The following PPARD variants were observed in gnomAD, a reference collection of about 807,000 sequenced individuals.
PPARD encodes peroxisome proliferator-activated receptor delta.
In PPARD, 6 loss-of-function variants were observed where a neutral mutation model predicts 39.5. That is an observed-to-expected ratio of 0.15 (90% confidence interval 0.08 to 0.30). PPARD has a LOEUF of 0.30. Ranked by LOEUF, PPARD falls within the 10% of genes least tolerant of loss-of-function variation. PPARD has a pLI of 1.00. For missense variants in PPARD, 397 were observed against 596.8 expected (o/e 0.67, Z 3.49); for synonymous variants, 210 against 231.3 (o/e 0.91, Z 0.83).
intron 2 of PPARD, among the ~76,000 whole-genome samples, chr6:35,388,388 AG>A (rs1161382370): frequency 6.6e-6 from 1 of 152,100 alleles, no homozygotes; most frequent in Non-Finnish European, 1.5e-5. Flanking sequence ...GCTTCCGGGA[AG>A]GGGATGGAAC....
chr6:35,416,956 T>C (rs1765811806), intron 3 of PPARD, among the ~76,000 whole-genome samples: 1 of 152,090 alleles, frequency 6.6e-6, no homozygotes, highest in South Asian at 2.1e-4. Context: ...TTACCTTTCC[T>C]TGTTTTTCTT....
Position 35,396,606 on chromosome 6 carries a change from A to G in PPARD, c.-101-14381A>G, listed in dbSNP as rs553485952. On this transcript the variant is annotated intron_variant, in intron 2 of 7. Coordinates refer to ENST00000360694, the MANE Select transcript of PPARD (RefSeq NM_006238.5). ...AGCACTTTGGGAGGCCGAGGCGGGC[A>G]GATCATGAGGTCAGGAGACAGAGAC... is the stretch of plus-strand genomic sequence containing the variant. 1.6e-4 allele frequency among the ~76,000 whole-genome samples: 24 copies of G among 149,362 alleles called. No individual in the cohort carries two copies. In the South Asian group the frequency reaches 4.9e-3, roughly 31 times the overall value.
rs1015525930 is a variant in PPARD, at chr6:35,388,913, G to A, written c.-101-22074G>A. 5.3e-5 allele frequency among the ~76,000 whole-genome samples: 8 copies of A among 152,286 alleles called. 1 individual carries two copies. The highest frequency in any genetic ancestry group is 1.3e-4 in the Admixed American group (2 of 15,292). On this transcript the variant is annotated intron_variant, in intron 2 of 7. Coordinates refer to ENST00000360694, the MANE Select transcript of PPARD (RefSeq NM_006238.5). ...GCCCAGCACTGTAGAGGGCCACAAG[G>A]CAGCAGGAACCTCTCAGTGCCTGCC...
intron 2 of PPARD, among the ~76,000 whole-genome samples, chr6:35,382,346 A>G (rs556425914): frequency 6.6e-6 from 1 of 152,332 alleles, no homozygotes; most frequent in Admixed American, 6.5e-5. Flanking sequence ...GGCATCACCT[A>G]TACTGTGCTT....
At chr6:35,411,245 G>A (rs567822200) in intron 3 of PPARD, 28 bp downstream of exon 3, 3 of 1,470,010 alleles carry the variant, frequency 2.0e-6, no homozygotes, top group African/African-American at 2.9e-5. Flanking sequence ...AGGGGACACG[G>A]GGCAGAGGAG....
chr6:35,355,644 C>T, intron 2 of PPARD, among the ~76,000 whole-genome samples: 4 of 92,468 alleles, frequency 4.3e-5, no homozygotes, highest in Non-Finnish European at 5.8e-5. Flanking sequence ...CGGAGTCTCG[C>T]TTTGTTGCCC....
intron 2 of PPARD, among the ~76,000 whole-genome samples, chr6:35,364,023 C>T (rs1182614592): frequency 6.6e-6 from 1 of 151,684 alleles, no homozygotes; most frequent in Non-Finnish European, 1.5e-5. Context: ...ACCACTAATT[C>T]CAGGACACTT....
chr6:35,421,942 G>A lies in PPARD; in HGVS notation c.408G>A (p.Leu136=). 1.2e-6 allele frequency: 2 copies of A among 1,612,494 alleles called. No individual in the cohort carries two copies. Among genetic ancestry groups the A allele is most frequent in the South Asian group, 1.1e-5 (1 of 90,934 alleles). Residue 136 remains leucine, a synonymous_variant, in exon 5 of 8, where the codon CTG becomes CTA. Coordinates refer to ENST00000360694, the MANE Select transcript of PPARD (RefSeq NM_006238.5). ...QYCRFQKCLA[L]GMSHNAIRFG... ...GCCGCTTCCAGAAGTGCCTGGCACTGGGCATGTCACACAACGGTGAGAGCT... is the reference window on the plus strand; with the variant it reads ...GCCGCTTCCAGAAGTGCCTGGCACTAGGCATGTCACACAACGGTGAGAGCT...
intron 2 of PPARD, among the ~76,000 whole-genome samples, chr6:35,407,267 A>G (rs1464967164): frequency 1.3e-5 from 2 of 151,962 alleles, no homozygotes; most frequent in East Asian, 3.9e-4. Context: ...CCTGGTGTGC[A>G]TTGCCCCGTG....
intron 2 of PPARD, among the ~76,000 whole-genome samples, chr6:35,389,821 G>T (rs1763907582): frequency 6.6e-6 from 1 of 152,142 alleles, no homozygotes; most frequent in East Asian, 1.9e-4. Context: ...GAAAATACAG[G>T]AACTGTATCA....
chr6:35,411,073 G>C lies in PPARD; in HGVS notation c.-15G>C. 2.7e-6 allele frequency: 4 copies of C among 1,504,848 alleles called. No homozygotes were observed. Among genetic ancestry groups the C allele is most frequent in the Non-Finnish European group, 3.6e-6 (4 of 1,124,018 alleles). 93.2% of individuals were successfully genotyped at this position (1,504,848 alleles called of 1,614,324 possible). ...TGACTGGGCCTGCAGGTGTGGCGCC[G>C]AGGGGAGATCAGCCATGGAGCAGCC... On this transcript the variant is annotated 5_prime_UTR_variant, in exon 3 of 8. Transcript: ENST00000360694.
intron 5 of PPARD, 78 bp from the exon 6 acceptor site, chr6:35,423,868 C>T: frequency 6.9e-7 from 1 of 1,444,934 alleles, no homozygotes; most frequent in African/African-American, 1.4e-5. Flanking sequence ...TTGGCCCATG[C>T]ACCTGTAAAG....
intron 2 of PPARD, among the ~76,000 whole-genome samples, chr6:35,360,753 A>G (rs1761885047): frequency 6.6e-6 from 1 of 151,990 alleles, no homozygotes; most frequent in Admixed American, 6.5e-5. Flanking sequence ...GTGGCATTAT[A>G]TTTTTCTCTT....
chr6:35,418,992 T>C (rs1048249490), intron 3 of PPARD, among the ~76,000 whole-genome samples: 1 of 152,134 alleles, frequency 6.6e-6, no homozygotes, highest in Non-Finnish European at 1.5e-5. Context: ...AGCAGGTGGA[T>C]AGGTACTCCC....
chr6:35,370,425 C>CTG (rs1221874218), intron 2 of PPARD, among the ~76,000 whole-genome samples: 5 of 152,110 alleles, frequency 3.3e-5, no homozygotes, highest in African/African-American at 4.8e-5. Flanking sequence ...GATTGGAGTG[C>CTG]CTTTTGAAGT....
At chr6:35,382,971 C>T (rs1238410847) in intron 2 of PPARD, among the ~76,000 whole-genome samples, 5 of 152,184 alleles carry the variant, frequency 3.3e-5, no homozygotes, top group African/African-American at 9.7e-5. Flanking sequence ...CACTGGGCAG[C>T]GACTGCACCC....
intron 3 of PPARD, among the ~76,000 whole-genome samples, chr6:35,415,326 G>A (rs572714315): frequency 1.3e-5 from 2 of 152,332 alleles, no homozygotes; most frequent in South Asian, 2.1e-4. Context: ...AAGCTGCTGG[G>A]TGCTTGTTTG....
At chr6:35,383,009 C>G (rs980616386) in intron 2 of PPARD, among the ~76,000 whole-genome samples, 1 of 152,190 alleles carries the variant, frequency 6.6e-6, no homozygotes, top group Non-Finnish European at 1.5e-5. Context: ...GCCTTGGATG[C>G]CACATTAAGG....
intron 2 of PPARD, among the ~76,000 whole-genome samples, chr6:35,359,672 C>T (rs1761823587): frequency 6.6e-6 from 1 of 152,178 alleles, no homozygotes; most frequent in African/African-American, 2.4e-5. Flanking sequence ...ATCCCCTTTC[C>T]ATGGCTGAGC....
Sources: gnomAD v4.1 joint callset for allele counts (sites outside exome capture counted in the v4.1 genomes callset) on GRCh38, gnomAD v4.1.1 for gene constraint, MANE v1.5 for transcripts, NCBI Gene and HGNC (gene_info 2026-07-23, HGNC 2026-07-21) for gene names.